DNAJC9: variants seen among roughly 807,000 people sequenced by gnomAD.
DNAJC9 encodes the protein dnaJ homolog subfamily C member 9.
In DNAJC9, 18 loss-of-function variants were observed where a neutral mutation model predicts 32.4. The ratio of observed to expected loss-of-function variants is 0.56; its 90% CI spans 0.38 to 0.82. The LOEUF (loss-of-function observed/expected upper bound fraction) is 0.82, where lower values mean the gene tolerates loss of function less well. Among genes scored for constraint, DNAJC9 ranks in the 40% least tolerant of loss-of-function variants. DNAJC9 has a pLI of 0.00. For synonymous variants in DNAJC9, 113 were observed against 122.1 expected (o/e 0.93, Z 0.49); for missense variants, 310 against 321.8 (o/e 0.96, Z 0.28).
chr10:73,247,157 G>T lies in DNAJC9; in HGVS notation c.33C>A (p.Phe11Leu). 1 of 1,597,032 alleles carries T rather than the reference G, an allele frequency of 6.3e-7. No individual in the cohort carries two copies. Among genetic ancestry groups the T allele is most frequent in the Non-Finnish European group, 8.5e-7 (1 of 1,172,806 alleles). MGLLDLCEEV[F>L]GTADLYRVLG... The stretch of plus-strand genomic sequence containing the variant: ...GCACCCGGTAAAGGTCGGCGGTGCC[G>T]AACACTTCCTCGCAAAGGTCCAGCA... The change falls in exon 1 of 5, where the codon TTC becomes TTA. Residue 11 changes from phenylalanine (F) to leucine (L), a missense_variant. Physicochemically the swap from Phe to Leu is conservative, Grantham distance 22. Transcript: ENST00000372950.
At chr10:73,244,908 A>C (rs933291151) in intron 3 of DNAJC9, among the ~76,000 whole-genome samples, 1 of 152,196 alleles carries the variant, frequency 6.6e-6, no homozygotes, top group African/African-American at 2.4e-5. Context: ...CTTTAAATTC[A>C]GCATCCCCCT....
chr10:73,233,679 C>A (rs2043761477), intron 2 of DNAJC9, among the ~76,000 whole-genome samples: 1 of 152,156 alleles, frequency 6.6e-6, no homozygotes, highest in Non-Finnish European at 1.5e-5. Flanking sequence ...GATATTGAAT[C>A]TTTCTGTTGA....
chr10:73,239,545 G>A (rs913767994), downstream of DNAJC9, among the ~76,000 whole-genome samples: 3 of 151,906 alleles, frequency 2.0e-5, no homozygotes, highest in Admixed American at 6.6e-5. Context: ...TGGAACATGG[G>A]GTATAATAAA....
In DNAJC9 at chr10:73,242,531, T is replaced by C. The variant is rs1236906528; in HGVS notation, c.*869A>G. On this transcript the variant is annotated 3_prime_UTR_variant, in exon 5 of 5. Transcript: ENST00000372950. ...CAAAAAACTGGACATGTTTAATACA[T>C]ACAGTTTGACAAATTTGGATTTCAC... is the stretch of plus-strand genomic sequence containing the variant. 1 of 151,848 alleles carries C rather than the reference T, an allele frequency of 6.6e-6. No homozygotes were observed. The highest frequency in any genetic ancestry group is 1.9e-4 in the East Asian group (1 of 5,138). 9.4% of individuals were successfully genotyped at this position (151,848 alleles called of 1,614,324 possible).
At chr10:73,244,125 T>C (rs543372279) in intron 3 of DNAJC9, 196 bp from the exon 4 acceptor site, 1 of 568,994 alleles carries the variant, frequency 1.8e-6, no homozygotes, top group African/African-American at 1.9e-5. Context: ...CTGATTCCAA[T>C]TACCATTTGT....
At chr10:73,246,601 C>A in intron 2 of DNAJC9, 87 bp downstream of exon 2, 2 of 1,474,702 alleles carry the variant, frequency 1.4e-6, no homozygotes, top group South Asian at 1.2e-5. Flanking sequence ...AAAATTAACA[C>A]AAAATACAAG....
At position 73,247,061 on chromosome 10, in the gene DNAJC9, G is replaced by A. The variant is rs1352508112; in HGVS notation, c.129C>T (p.His43=). The change falls in exon 1 of 5, where the codon CAC becomes CAT. Residue 43 remains histidine (H), a synonymous_variant. Coordinates refer to ENST00000372950, the MANE Select transcript of DNAJC9 (RefSeq NM_015190.5). ...RGYHKVSLQV[H]PDRVGEGDKE... is the part of the protein sequence containing the mutation. Reference sequence around the variant, plus strand: ...TGTCGCCCTCACCCACCCGGTCCGGGTGTACCTGCAGGGACACCTTGTGGT... The same window carrying A: ...TGTCGCCCTCACCCACCCGGTCCGGATGTACCTGCAGGGACACCTTGTGGT... The A allele has an allele frequency of 4.4e-6, 7 of 1,583,832 alleles. No homozygotes were observed. The highest frequency in any genetic ancestry group is 4.6e-5 in the East Asian group (2 of 43,102).
At chr10:73,245,464 A>T (rs74993479) in intron 3 of DNAJC9, among the ~76,000 whole-genome samples, 2 of 150,188 alleles carry the variant, frequency 1.3e-5, no homozygotes, top group Admixed American at 1.3e-4. Flanking sequence ...AAAAAAAAAA[A>T]GAAAAGAAAA....
downstream of DNAJC9, among the ~76,000 whole-genome samples, chr10:73,237,768 C>T (rs548082912): frequency 6.6e-6 from 1 of 152,094 alleles, no homozygotes; most frequent in Admixed American, 6.5e-5. Flanking sequence ...CTACATCACC[C>T]AGGCTGGAGT....
intron 2 of DNAJC9, 70 bp from the exon 3 acceptor site, chr10:73,246,246 A>G: frequency 6.6e-7 from 1 of 1,525,192 alleles, no homozygotes; most frequent in East Asian, 2.3e-5. Flanking sequence ...TAGTAAAACT[A>G]GAGTTGGGTG....
downstream of DNAJC9, chr10:73,239,257 AT>A (rs2133417132): frequency 6.9e-7 from 1 of 1,439,170 alleles, no homozygotes; most frequent in Non-Finnish European, 9.6e-7. Flanking sequence ...CTGCTAAAAT[AT>A]TATCCTTTGT....
At position 73,242,103 on chromosome 10, in the gene DNAJC9, C is replaced by T. The variant is rs1187343457; in HGVS notation, c.*1297G>A. On this transcript the variant is annotated 3_prime_UTR_variant, in exon 5 of 5. Coordinates refer to ENST00000372950, the MANE Select transcript of DNAJC9 (RefSeq NM_015190.5). ...TTTATTATACCAAGGTGTTCTAATGCCATCATATGAAGACAGATGCTTCAA... is the reference window on the plus strand; with the variant it reads ...TTTATTATACCAAGGTGTTCTAATGTCATCATATGAAGACAGATGCTTCAA... The T allele has an allele frequency of 6.6e-6, 1 of 152,042 alleles. No individual in the cohort carries two copies. The highest frequency in any genetic ancestry group is 2.4e-5 in the African/African-American group (1 of 41,382). The allele number at this position is 152,042 out of a possible 1,614,324, so 9.4% of individuals were successfully genotyped here.
chr10:73,243,150 G>C lies in DNAJC9; in HGVS notation c.*250C>G. The C allele has an allele frequency of 4.5e-6, 2 of 443,416 alleles. No individual in the cohort carries two copies. Among genetic ancestry groups the C allele is most frequent in the Non-Finnish European group, 8.2e-6 (2 of 243,986 alleles). 27.5% of individuals were successfully genotyped at this position (443,416 alleles called of 1,614,324 possible). On this transcript the variant is annotated 3_prime_UTR_variant, in exon 5 of 5. Transcript: ENST00000372950. ...GGCAAGTGCTGTCAGGAAGGACACTGCCTCCCTCCACCCTCCCAAATGTCA... is the reference window on the plus strand; with the variant it reads ...GGCAAGTGCTGTCAGGAAGGACACTCCCTCCCTCCACCCTCCCAAATGTCA...
intron 2 of DNAJC9, 41 bp downstream of exon 2, chr10:73,246,643 TTGAA>T: frequency 1.2e-6 from 2 of 1,605,250 alleles, no homozygotes; most frequent in Non-Finnish European, 1.7e-6. Flanking sequence ...GGTTTGTTGA[TTGAA>T]TGATGGTAAC....
intron 2 of DNAJC9, 77 bp downstream of exon 2, chr10:73,246,611 G>T: frequency 1.3e-6 from 2 of 1,502,476 alleles, no homozygotes; most frequent in Non-Finnish European, 9.1e-7. Flanking sequence ...CAAAATACAA[G>T]ATCTTAGAGG....
In DNAJC9 at chr10:73,247,186, C is replaced by G. The variant is rs867769874; in HGVS notation, c.4G>C (p.Gly2Arg). 2 of 1,590,374 alleles carry G rather than the reference C, an allele frequency of 1.3e-6. No individual in the cohort carries two copies. Residue 2 changes from glycine to arginine, a missense_variant, in exon 1 of 5, where the codon GGG becomes CGG. Gly to Arg is a moderately radical substitution (Grantham distance 125). Transcript: ENST00000372950. The part of the protein sequence containing the change: M[G>R]LLDLCEEVFG... ...ACTTCCTCGCAAAGGTCCAGCAGCC[C>G]CATGCCGGGCGGAGATACGACCCCG...
In DNAJC9 at chr10:73,246,097, T is replaced by A. The variant is rs777532638; in HGVS notation, c.401A>T (p.Tyr134Phe). Residue 134 changes from tyrosine to phenylalanine, a missense_variant, in exon 3 of 5, where the codon TAT becomes TTT. Physicochemically the swap from Tyr to Phe is conservative, Grantham distance 22. Coordinates refer to ENST00000372950, the MANE Select transcript of DNAJC9 (RefSeq NM_015190.5). ...EEELADIKQA[Y>F]LDFKGDMDQI... ...ATCCATGTCACCCTTGAAGTCCAGA[T>A]AGGCCTGCTTAATATCAGCCAGCTC... is the stretch of plus-strand genomic sequence containing the variant. 1.9e-6 allele frequency: 3 copies of A among 1,613,950 alleles called. No homozygotes were observed. The highest frequency in any genetic ancestry group is 2.5e-6 in the Non-Finnish European group (3 of 1,179,984).
chr10:73,244,854 C>G (rs2043989624), intron 3 of DNAJC9, among the ~76,000 whole-genome samples: 1 of 152,114 alleles, frequency 6.6e-6, no homozygotes, highest in Admixed American at 6.5e-5. Context: ...ACATTAGGAC[C>G]CCCTATCCCA....
downstream of DNAJC9, among the ~76,000 whole-genome samples, chr10:73,236,454 C>T (rs1022693549): frequency 1.3e-5 from 2 of 149,960 alleles, no homozygotes; most frequent in African/African-American, 4.9e-5. Context: ...CGCTCTGTCA[C>T]CTAGGGTGGA....
Sources: gnomAD v4.1 joint callset for allele counts (sites outside exome capture counted in the v4.1 genomes callset) on GRCh38, gnomAD v4.1.1 for gene constraint, MANE v1.5 for transcripts, NCBI Gene and HGNC (gene_info 2026-07-23, HGNC 2026-07-21) for gene names.